DYSF: variants seen among roughly 807,000 people sequenced by gnomAD.
DYSF encodes dysferlin.
Under a neutral mutation model 274.9 loss-of-function variants are expected in DYSF, and 212 were observed. The ratio of observed to expected loss-of-function variants is 0.77; its 90% CI spans 0.69 to 0.86. The LOEUF (loss-of-function observed/expected upper bound fraction) is 0.86. Ranked by LOEUF, DYSF falls within the 40% of genes least tolerant of loss-of-function variation. The pLI is 0.00. For synonymous variants in DYSF, 1,091 were observed against 1,078.7 expected (o/e 1.01, Z -0.22); for missense variants, 2,666 against 2,783.2 (o/e 0.96, Z 0.95).
intron 55 of DYSF, among the ~76,000 whole-genome samples, chr2:71,683,346 G>A (rs1011336508): frequency 2.6e-5 from 4 of 152,138 alleles, no homozygotes; most frequent in African/African-American, 9.7e-5. Flanking sequence ...TGCTCTGTGG[G>A]GCCCTGCCTG....
chr2:71,481,754 C>T, intron 2 of DYSF, 125 bp from the exon 3 acceptor site: 1 of 636,692 alleles, frequency 1.6e-6, no homozygotes, highest in Non-Finnish European at 2.7e-6. Context: ...ATTGATCCAT[C>T]TGCCTATCCA....
chr2:71,542,439 C>T (rs1468716137), intron 17 of DYSF, among the ~76,000 whole-genome samples: 1 of 150,156 alleles, frequency 6.7e-6, no homozygotes, highest in Non-Finnish European at 1.5e-5. Flanking sequence ...TTGGCAGGGT[C>T]ATAGGACAAT....
intron 1 of DYSF, among the ~76,000 whole-genome samples, chr2:71,455,015 C>A (rs1306619155): frequency 6.6e-6 from 1 of 152,222 alleles, no homozygotes; most frequent in African/African-American, 2.4e-5. Context: ...ACCTGCCACT[C>A]CCCTTCTCCC....
At chr2:71,658,402 G>A (rs866682917) in intron 43 of DYSF, among the ~76,000 whole-genome samples, 1 of 152,140 alleles carries the variant, frequency 6.6e-6, no homozygotes, top group Non-Finnish European at 1.5e-5. Context: ...TCCAACCTCT[G>A]CCTGTTAGCC....
At chr2:71,617,926 T>G (rs1267918037) in intron 40 of DYSF, among the ~76,000 whole-genome samples, 1 of 72,142 alleles carries the variant, frequency 1.4e-5, no homozygotes, top group Non-Finnish European at 2.8e-5. Context: ...GTGTGTGTGG[T>G]AGAGGTGTGT....
intron 30 of DYSF, among the ~76,000 whole-genome samples, chr2:71,586,720 T>TCTA (rs1185798854): frequency 1.3e-5 from 2 of 151,840 alleles, no homozygotes; most frequent in Non-Finnish European, 2.9e-5. Flanking sequence ...AGGAGGTGCC[T>TCTA]GGTGAGTGGG....
intron 11 of DYSF, 105 bp from the exon 12 acceptor site, chr2:71,520,684 A>G: frequency 1.1e-6 from 1 of 927,360 alleles, no homozygotes; most frequent in Non-Finnish European, 1.8e-6. Flanking sequence ...GGCCCAGCGG[A>G]TGAGTCCTTT....
At chr2:71,499,025 C>T (rs2084706633) in intron 3 of DYSF, among the ~76,000 whole-genome samples, 1 of 152,130 alleles carries the variant, frequency 6.6e-6, no homozygotes, top group South Asian at 2.1e-4. Context: ...TTGGTAAAAA[C>T]TTTAAGAAGT....
intron 1 of DYSF, among the ~76,000 whole-genome samples, chr2:71,454,320 T>C (rs1048950750): frequency 2.0e-5 from 3 of 152,112 alleles, no homozygotes; most frequent in Non-Finnish European, 4.4e-5. Flanking sequence ...TCAGCCCAGG[T>C]TGGTACTGAG....
At chr2:71,473,658 A>G (rs7580581) in intron 1 of DYSF, among the ~76,000 whole-genome samples, 58,268 of 152,032 alleles carry the variant, frequency 0.38, 11,783 homozygotes, top group African/African-American at 0.51. Flanking sequence ...GATACTGGCC[A>G]GTAGACCTCA....
At chr2:71,651,771 T>G (rs1014715938) in intron 42 of DYSF, among the ~76,000 whole-genome samples, 1 of 152,082 alleles carries the variant, frequency 6.6e-6, no homozygotes, top group Non-Finnish European at 1.5e-5. Flanking sequence ...TAATAGCAAA[T>G]GAAACCTAAC....
chr2:71,575,655 G>A (rs2092677933), intron 30 of DYSF, among the ~76,000 whole-genome samples: 1 of 152,134 alleles, frequency 6.6e-6, no homozygotes, highest in African/African-American at 2.4e-5. Context: ...GCTGAGGGGT[G>A]GGGTATAAAG....
intron 30 of DYSF, among the ~76,000 whole-genome samples, chr2:71,589,090 C>T (rs556202917): frequency 6.7e-4 from 102 of 152,310 alleles, no homozygotes; most frequent in African/African-American, 2.3e-3. Context: ...TCAGCCTGAG[C>T]CTTGCTCACC....
intron 17 of DYSF, chr2:71,549,446 T>A: frequency 1.3e-6 from 2 of 1,572,228 alleles, no homozygotes; most frequent in Non-Finnish European, 1.7e-6. Flanking sequence ...GGGTTTTGGC[T>A]AGAGGGGCGA....
chr2:71,511,563 T>C (rs1452392241), intron 4 of DYSF, among the ~76,000 whole-genome samples: 1 of 152,212 alleles, frequency 6.6e-6, no homozygotes, highest in East Asian at 1.9e-4. Context: ...CACAGGGCGG[T>C]CACAGATCTT....
chr2:71,532,830 T>TTCTATCTATCTATCTA (rs61396446), intron 14 of DYSF, among the ~76,000 whole-genome samples: 82 of 147,554 alleles, frequency 5.6e-4, no homozygotes, highest in East Asian at 1.2e-3. Flanking sequence ...AGTACATTTA[T>TTCTATCTATCTATCTA]TCTATCTATC....
chr2:71,662,397 C>T (rs2094897794), intron 45 of DYSF, among the ~76,000 whole-genome samples: 1 of 152,076 alleles, frequency 6.6e-6, no homozygotes, highest in African/African-American at 2.4e-5. Flanking sequence ...GAGTGTGTCC[C>T]CTCTTTGGAT....
chr2:71,468,277 C>T (rs1479076221), intron 1 of DYSF, among the ~76,000 whole-genome samples: 9 of 152,214 alleles, frequency 5.9e-5, no homozygotes, highest in African/African-American at 1.4e-4. Flanking sequence ...GCATAGGGCT[C>T]TGGATGCTCT....
At chr2:71,579,835 A>G (rs559301136) in intron 30 of DYSF, among the ~76,000 whole-genome samples, 1 of 152,314 alleles carries the variant, frequency 6.6e-6, no homozygotes, top group African/African-American at 2.4e-5. Context: ...CAGCTACCAC[A>G]TTGGGCAGTG....
Sources: gnomAD v4.1 joint callset for allele counts (sites outside exome capture counted in the v4.1 genomes callset) on GRCh38, gnomAD v4.1.1 for gene constraint, MANE v1.5 for transcripts, NCBI Gene and HGNC (gene_info 2026-07-23, HGNC 2026-07-21) for gene names.